The following FSHR variants were observed in gnomAD, a reference collection of about 807,000 sequenced individuals.
FSHR encodes follicle-stimulating hormone receptor.
Under a neutral mutation model 52.1 loss-of-function variants are expected in FSHR, and 46 were observed. The ratio of observed to expected loss-of-function variants is 0.88; its 90% CI spans 0.70 to 1.13. The LOEUF is 1.13. Among genes scored for constraint, FSHR ranks in the 50% most tolerant of loss-of-function variants. FSHR has a pLI of 0.00. For missense variants in FSHR, 964 were observed against 834.6 expected (o/e 1.16, Z -1.91); for synonymous variants, 399 against 309.6 (o/e 1.29, Z -3.03).
chr2:49,050,792 C>G (rs1668828040), intron 2 of FSHR, among the ~76,000 whole-genome samples: 1 of 152,082 alleles, frequency 6.6e-6, no homozygotes, highest in African/African-American at 2.4e-5. Context: ...TAATAAAATG[C>G]ATTCATTTTA....
chr2:49,105,515 G>A (rs1671190184), intron 1 of FSHR, among the ~76,000 whole-genome samples: 1 of 152,108 alleles, frequency 6.6e-6, no homozygotes, highest in Non-Finnish European at 1.5e-5. Flanking sequence ...AACTTCAAGA[G>A]TCGTGAGGCT....
intron 8 of FSHR, among the ~76,000 whole-genome samples, chr2:48,975,969 C>T (rs1287646166): frequency 2.0e-4 from 30 of 152,174 alleles, no homozygotes; most frequent in African/African-American, 2.4e-5. Context: ...TATTTGAATA[C>T]CTTTTATTTC....
At chr2:49,013,446 C>G (rs1667348971) in intron 4 of FSHR, among the ~76,000 whole-genome samples, 1 of 126,472 alleles carries the variant, frequency 7.9e-6, no homozygotes, top group Non-Finnish European at 1.6e-5. Context: ...AGAGTCTTAG[C>G]CCTGAATATA....
At chr2:49,094,379 T>G (rs1346716445) in intron 1 of FSHR, among the ~76,000 whole-genome samples, 2 of 152,188 alleles carry the variant, frequency 1.3e-5, no homozygotes, top group Non-Finnish European at 1.5e-5. Flanking sequence ...GGGAGAAGAA[T>G]AGTTTACTGT....
At chr2:49,122,112 T>C (rs1192861659) in intron 1 of FSHR, among the ~76,000 whole-genome samples, 1 of 152,194 alleles carries the variant, frequency 6.6e-6, no homozygotes, top group Non-Finnish European at 1.5e-5. Context: ...AATCCTGGCA[T>C]TGGTGGTGAG....
chr2:49,035,277 T>A (rs914484038), intron 2 of FSHR, among the ~76,000 whole-genome samples: 1 of 152,236 alleles, frequency 6.6e-6, no homozygotes, highest in Non-Finnish European at 1.5e-5. Flanking sequence ...CTTGCTCCCA[T>A]GAGCATGGTT....
At position 49,087,070 on chromosome 2, in the gene FSHR, G is replaced by GAT. The variant is rs60949511; in HGVS notation, c.153-18781_153-18780insAT. Among the ~76,000 whole-genome samples the GAT allele has an allele frequency of 3.9e-4, 34 of 86,734 alleles. 2 individuals carry two copies. The highest frequency in any genetic ancestry group is 1.5e-3 in the African/African-American group (34 of 23,384). 56.9% of individuals were successfully genotyped at this position (86,734 alleles called of 152,430 possible). ...GTAGTTGAGGGACCCTGTGGGCAGG[G>GAT]TTTTTTTTTTTTTTTTTTTTTTTTT... On this transcript the variant is annotated intron_variant, in intron 1 of 9. Coordinates refer to ENST00000406846, the MANE Select transcript of FSHR (RefSeq NM_000145.4).
chr2:48,987,911 C>G lies in FSHR; in HGVS notation c.524+1066G>C, dbSNP rs567271179. 6.6e-5 allele frequency among the ~76,000 whole-genome samples: 10 copies of G among 151,802 alleles called. No homozygotes were observed. The South Asian group carries it at 2.1e-3, about 32-fold the overall frequency. On this transcript the variant is annotated intron_variant, in intron 6 of 9. Coordinates refer to ENST00000406846, the MANE Select transcript of FSHR (RefSeq NM_000145.4). ...TATCATGAGCTTATGTGAAATGATT[C>G]AGTATCACTCACCTATAGCTTTTGT... is the stretch of plus-strand genomic sequence containing the variant.
intron 2 of FSHR, among the ~76,000 whole-genome samples, chr2:49,050,093 T>C (rs1207603328): frequency 6.6e-6 from 1 of 151,978 alleles, no homozygotes; most frequent in Non-Finnish European, 1.5e-5. Flanking sequence ...ATAACAAAAA[T>C]AGTTATTTTC....
chr2:49,072,185 C>G (rs1669762253), intron 1 of FSHR, among the ~76,000 whole-genome samples: 1 of 152,140 alleles, frequency 6.6e-6, no homozygotes, highest in Non-Finnish European at 1.5e-5. Flanking sequence ...CCCCAATACA[C>G]ATAGACCCAT....
intron 1 of FSHR, among the ~76,000 whole-genome samples, chr2:49,118,390 G>C (rs947460608): frequency 6.6e-6 from 1 of 152,124 alleles, no homozygotes; most frequent in African/African-American, 2.4e-5. Context: ...TCACAAAGGG[G>C]TGCCGGCACT....
At chr2:49,143,094 G>A (rs995870210) in intron 1 of FSHR, among the ~76,000 whole-genome samples, 4 of 152,136 alleles carry the variant, frequency 2.6e-5, no homozygotes, top group African/African-American at 9.7e-5. Context: ...AAGCTGTCTG[G>A]ATGAGCTCAC....
Position 48,963,891 on chromosome 2 carries a change from C to T in FSHR, c.930G>A (p.Gln310=). The T allele has an allele frequency of 1.9e-6, 3 of 1,614,098 alleles. No homozygotes were observed. Among genetic ancestry groups the T allele is most frequent in the African/African-American group, 2.7e-5 (2 of 75,036 alleles). The part of the protein sequence containing the change: ...EVDYMTQARG[Q]RSSLAEDNES... ...CATTGTCTTCTGCCAGAGAGGATCT[C>T]TGACCCCTAGCCTGAGTCATATAAT... Residue 310 remains glutamine, a synonymous_variant, in exon 10 of 10, where the codon CAG becomes CAA. Coordinates refer to ENST00000406846, the MANE Select transcript of FSHR (RefSeq NM_000145.4).
At chr2:49,117,875 A>T (rs1326003765) in intron 1 of FSHR, among the ~76,000 whole-genome samples, 1 of 152,196 alleles carries the variant, frequency 6.6e-6, no homozygotes, top group African/African-American at 2.4e-5. Context: ...CGTGACAGTG[A>T]TGCTCACCCA....
intron 4 of FSHR, chr2:48,997,322 T>C (rs2104129046): frequency 1.0e-6 from 1 of 984,864 alleles, no homozygotes; most frequent in South Asian, 4.7e-5. Flanking sequence ...CTGGAACTCT[T>C]TGTCTCAGTC....
intron 8 of FSHR, among the ~76,000 whole-genome samples, chr2:48,982,298 A>G (rs1675286168): frequency 6.6e-6 from 1 of 152,152 alleles, no homozygotes; most frequent in Non-Finnish European, 1.5e-5. Context: ...GAAAGATGGA[A>G]GTAAGGAAAT....
At chr2:49,037,582 T>G (rs1668311706) in intron 2 of FSHR, among the ~76,000 whole-genome samples, 1 of 151,892 alleles carries the variant, frequency 6.6e-6, no homozygotes, top group African/African-American at 2.4e-5. Context: ...AATAAGAAAA[T>G]TTGAAGAAGA....
chr2:49,099,985 A>G (rs1235881193), intron 1 of FSHR, among the ~76,000 whole-genome samples: 1 of 152,178 alleles, frequency 6.6e-6, no homozygotes, highest in Non-Finnish European at 1.5e-5. Flanking sequence ...TAAGGAAGGG[A>G]AATGAGCTAT....
intron 8 of FSHR, among the ~76,000 whole-genome samples, chr2:48,976,444 T>G (rs193198159): frequency 6.6e-6 from 1 of 152,114 alleles, no homozygotes; most frequent in Non-Finnish European, 1.5e-5. Flanking sequence ...GGCCTGAAAT[T>G]TTTCTTTTTC....
Sources: gnomAD v4.1 joint callset for allele counts (sites outside exome capture counted in the v4.1 genomes callset) on GRCh38, gnomAD v4.1.1 for gene constraint, MANE v1.5 for transcripts, NCBI Gene and HGNC (gene_info 2026-07-23, HGNC 2026-07-21) for gene names.